EIF4G3: variants seen among roughly 807,000 people sequenced by gnomAD.
EIF4G3 encodes the protein eukaryotic translation initiation factor 4 gamma 3.
In EIF4G3, 34 loss-of-function variants were observed where a neutral mutation model predicts 186.4. The ratio of observed to expected loss-of-function variants is 0.18; its 90% CI spans 0.14 to 0.24. The LOEUF is 0.24. Among genes scored for constraint, EIF4G3 ranks in the 10% least tolerant of loss-of-function variants. EIF4G3 has a pLI of 1.00. For missense variants in EIF4G3, 1,536 were observed against 1,948.5 expected (o/e 0.79, Z 3.99); for synonymous variants, 673 against 679.5 (o/e 0.99, Z 0.15).
At chr1:21,151,699 A>G (rs368369274) in intron 2 of EIF4G3, among the ~76,000 whole-genome samples, 2 of 121,910 alleles carry the variant, frequency 1.6e-5, no homozygotes, top group Non-Finnish European at 3.4e-5. Flanking sequence ...GTATAATTCT[A>G]TAAAAGCAAA....
At chr1:21,007,516 A>T (rs1187935245) in intron 4 of EIF4G3, among the ~76,000 whole-genome samples, 1 of 105,516 alleles carries the variant, frequency 9.5e-6, no homozygotes, top group Non-Finnish European at 2.0e-5. Context: ...GCCCCTCCTT[A>T]AAAAAAAAAA....
At chr1:20,865,548 T>C (rs1328744520) in intron 20 of EIF4G3, among the ~76,000 whole-genome samples, 1 of 151,712 alleles carries the variant, frequency 6.6e-6, no homozygotes, top group Admixed American at 6.6e-5. Context: ...TCTGAACTTA[T>C]CTAGACCTTA....
In EIF4G3 at chr1:20,841,072, T is replaced by C. The variant is rs74857836; in HGVS notation, c.3889-44A>G. The C allele has an allele frequency of 2.7e-3, 4,316 of 1,594,312 alleles. 55 individuals carry two copies. The highest frequency in any genetic ancestry group is 0.025 in the East Asian group (1,102 of 44,680). Reference sequence around the variant, plus strand: ...AAGGTTTACTCCAAAATCTGAATAGTGTTACCAGAATGTTAAGATAACTTT... The same window carrying C: ...AAGGTTTACTCCAAAATCTGAATAGCGTTACCAGAATGTTAAGATAACTTT... On this transcript the variant is annotated intron_variant, in intron 29 of 36. Transcript: ENST00000602326.
chr1:20,818,417 G>A (rs1421354250), intron 33 of EIF4G3, among the ~76,000 whole-genome samples: 3 of 152,130 alleles, frequency 2.0e-5, no homozygotes, highest in Non-Finnish European at 4.4e-5. Context: ...GGCAGGAGGA[G>A]TGTATGAGTT....
Position 20,817,453 on chromosome 1 carries a change from C to A in EIF4G3, c.4454G>T (p.Arg1485Leu), listed in dbSNP as rs762591581. ...GTCCTCAATAATGAGTTTCTCGAGT[C>A]GCTTATACAGCTCTTCGGCAGACAG... ...KELSAEELYK[R>L]LEKLIIEDKA... is the part of the protein sequence containing the mutation. The change falls in exon 34 of 37, where the codon CGA becomes CTA. Residue 1485 changes from arginine (R) to leucine (L), a missense_variant. By Grantham distance (102) the Arg-to-Leu change is moderately radical. Coordinates refer to ENST00000602326, the MANE Select transcript of EIF4G3 (RefSeq NM_001391906.1). The A allele has an allele frequency of 6.2e-7, 1 of 1,609,524 alleles. No individual in the cohort carries two copies. The highest frequency in any genetic ancestry group is 1.1e-5 in the South Asian group (1 of 90,420).
At chr1:20,997,714 C>A (rs1469581966) in intron 6 of EIF4G3, 81 bp from the exon 7 acceptor site, 11 of 1,110,800 alleles carry the variant, frequency 9.9e-6, no homozygotes, top group Non-Finnish European at 1.4e-5. Context: ...AAATTTCACA[C>A]AATATGCCAA....
intron 2 of EIF4G3, among the ~76,000 whole-genome samples, chr1:21,172,862 C>T (rs1280076037): frequency 6.6e-6 from 1 of 150,744 alleles, no homozygotes; most frequent in African/African-American, 2.4e-5. Context: ...GGTTCTCGGC[C>T]GGGTGCAGTG....
intron 3 of EIF4G3, among the ~76,000 whole-genome samples, chr1:21,069,778 G>C (rs745708244): frequency 8.5e-5 from 13 of 152,144 alleles, no homozygotes; most frequent in South Asian, 6.2e-4. Flanking sequence ...GGGAGAGGAG[G>C]GGGTAGGAAA....
At chr1:20,981,820 A>G (rs1002058833) in intron 8 of EIF4G3, among the ~76,000 whole-genome samples, 1 of 151,974 alleles carries the variant, frequency 6.6e-6, no homozygotes, top group Non-Finnish European at 1.5e-5. Context: ...ATATACATAC[A>G]TATATGTATA....
chr1:20,947,434 A>T (rs1191904605), intron 13 of EIF4G3, among the ~76,000 whole-genome samples: 2 of 151,996 alleles, frequency 1.3e-5, no homozygotes, highest in Non-Finnish European at 2.9e-5. Context: ...CTAACATTAC[A>T]TAAATTTGGT....
intron 34 of EIF4G3, among the ~76,000 whole-genome samples, chr1:20,814,033 G>C (rs1465896142): frequency 2.3e-5 from 3 of 130,872 alleles, no homozygotes; most frequent in African/African-American, 8.8e-5. Context: ...TGCAACCTCT[G>C]CCTCCCAGGT....
chr1:21,111,360 C>T (rs1219344126), intron 2 of EIF4G3: 2 of 471,478 alleles, frequency 4.2e-6, no homozygotes, highest in African/African-American at 4.0e-5. Flanking sequence ...ACTTCAGTTT[C>T]CTCATCAATA....
intron 4 of EIF4G3, among the ~76,000 whole-genome samples, chr1:21,047,940 G>C (rs1204301845): frequency 2.2e-4 from 33 of 152,138 alleles, no homozygotes; most frequent in Non-Finnish European, 4.4e-5. Flanking sequence ...TGAAAGGATG[G>C]AGGGGAAAAA....
At chr1:21,084,699 GTT>G (rs372395820) in intron 3 of EIF4G3, among the ~76,000 whole-genome samples, 1 of 148,780 alleles carries the variant, frequency 6.7e-6, no homozygotes, top group African/African-American at 2.5e-5. Flanking sequence ...TACCACAAAT[GTT>G]TTTTTTTTCC....
intron 7 of EIF4G3, 53 bp downstream of exon 7, chr1:20,997,548 A>G: frequency 6.6e-7 from 1 of 1,519,674 alleles, no homozygotes; most frequent in South Asian, 1.2e-5. Context: ...AGCAGCTACT[A>G]AAGCCCCCAT....
chr1:21,047,929 C>T (rs1358110870), intron 4 of EIF4G3, among the ~76,000 whole-genome samples: 1 of 152,058 alleles, frequency 6.6e-6, no homozygotes, highest in East Asian at 1.9e-4. Flanking sequence ...TTCCCTCTGT[C>T]TGAAAGGATG....
Position 20,950,104 on chromosome 1 carries a change from G to T in EIF4G3, c.722C>A (p.Pro241His). 1 of 1,584,420 alleles carries T rather than the reference G, an allele frequency of 6.3e-7. No individual in the cohort carries two copies. Among genetic ancestry groups the T allele is most frequent in the Non-Finnish European group, 8.5e-7 (1 of 1,169,918 alleles). ...AGGGCTGTGCTCGGGGACCTGGCTG[G>T]GCAGCTGCTGGGATTTGAAGTACAA... is the stretch of plus-strand genomic sequence containing the variant. Reference protein sequence around the residue: ...TSTPTPPQQLPSQVPEHSPVV... With the variant: ...TSTPTPPQQLHSQVPEHSPVV... The change falls in exon 13 of 37, where the codon CCC becomes CAC. Residue 241 changes from proline to histidine, a missense_variant. By Grantham distance (77) the Pro-to-His change is moderately conservative. This residue lies in a region of EIF4G3 where 560 missense variants were observed against 547.8 expected (regional missense o/e 1.02). Coordinates refer to ENST00000602326, the MANE Select transcript of EIF4G3 (RefSeq NM_001391906.1).
chr1:20,963,256 A>AT (rs766096248), intron 12 of EIF4G3, among the ~76,000 whole-genome samples: 1 of 151,994 alleles, frequency 6.6e-6, no homozygotes, highest in Non-Finnish European at 1.5e-5. Flanking sequence ...TTTTTTGATA[A>AT]TTTTAGGCAA....
chr1:20,937,761 C>T (rs2095563492), intron 14 of EIF4G3, among the ~76,000 whole-genome samples: 1 of 152,136 alleles, frequency 6.6e-6, no homozygotes, highest in African/African-American at 2.4e-5. Flanking sequence ...GGAATGCTTT[C>T]CCACAAGTTC....
Sources: gnomAD v4.1 joint callset for allele counts (sites outside exome capture counted in the v4.1 genomes callset) on GRCh38, gnomAD v4.1.1 for gene constraint, gnomAD v4.1.1 regional missense constraint, MANE v1.5 for transcripts, NCBI Gene and HGNC (gene_info 2026-07-23, HGNC 2026-07-21) for gene names.